ZNF804B: variants seen among roughly 807,000 people sequenced by gnomAD.
The protein encoded by ZNF804B is zinc finger 804B.
A neutral mutation model predicts 101.4 loss-of-function variants in ZNF804B; 80 were observed. The ratio of observed to expected loss-of-function variants is 0.79; its 90% CI spans 0.66 to 0.95. The LOEUF is 0.95. Ranked by LOEUF, ZNF804B falls within the 40% of genes least tolerant of loss-of-function variation. The pLI, the probability that ZNF804B is intolerant of heterozygous loss-of-function variation, is 0.00. For missense variants in ZNF804B, 1,673 were observed against 1,561.9 expected (o/e 1.07, Z -1.20); for synonymous variants, 622 against 558.8 (o/e 1.11, Z -1.59).
At chr7:88,955,617 A>T (rs1288043275) in intron 1 of ZNF804B, among the ~76,000 whole-genome samples, 1 of 151,706 alleles carries the variant, frequency 6.6e-6, no homozygotes, top group African/African-American at 2.4e-5. Flanking sequence ...ATATTAAACT[A>T]TTAACACTTA....
intron 1 of ZNF804B, among the ~76,000 whole-genome samples, chr7:88,855,520 G>A (rs199920860): frequency 6.6e-6 from 1 of 152,056 alleles, no homozygotes; most frequent in Non-Finnish European, 1.5e-5. Context: ...TGTCAGATGA[G>A]TAGATTGCAA....
At chr7:88,863,284 AC>A (rs1320105845) in intron 1 of ZNF804B, among the ~76,000 whole-genome samples, 1 of 151,988 alleles carries the variant, frequency 6.6e-6, no homozygotes, top group Non-Finnish European at 1.5e-5. Context: ...AGTCCAAATG[AC>A]CCTTCCTCTA....
chr7:89,257,927 G>A (rs1050094374), intron 2 of ZNF804B, among the ~76,000 whole-genome samples: 1 of 151,946 alleles, frequency 6.6e-6, no homozygotes, highest in Non-Finnish European at 1.5e-5. Flanking sequence ...GTTTTCAGGT[G>A]CATTATACAG....
intron 1 of ZNF804B, among the ~76,000 whole-genome samples, chr7:88,820,806 C>T (rs997043568): frequency 3.9e-5 from 6 of 152,058 alleles, no homozygotes; most frequent in South Asian, 2.1e-4. Flanking sequence ...CTGGCAGTGA[C>T]GGTGACAATG....
chr7:89,062,542 G>A (rs371748339), intron 1 of ZNF804B, among the ~76,000 whole-genome samples: 1 of 151,774 alleles, frequency 6.6e-6, no homozygotes. Context: ...TTGACTATTA[G>A]CTCTTTGAAG....
intron 1 of ZNF804B, among the ~76,000 whole-genome samples, chr7:89,007,446 T>TTATATATATATATATA (rs61374091): frequency 3.5e-5 from 2 of 57,198 alleles, no homozygotes; most frequent in South Asian, 7.0e-4. Flanking sequence ...ATCCATGATT[T>TTATATATATATATATA]TATATATATA....
At chr7:89,278,137 A>C (rs867781056) in intron 2 of ZNF804B, among the ~76,000 whole-genome samples, 10 of 152,330 alleles carry the variant, frequency 6.6e-5, no homozygotes, top group Middle Eastern at 3.4e-3. Flanking sequence ...TCTTGGCTGC[A>C]TAAATGTCTT....
intron 1 of ZNF804B, among the ~76,000 whole-genome samples, chr7:89,129,671 A>G (rs10230584): frequency 0.2 from 29,970 of 151,860 alleles, 3,747 homozygotes; most frequent in East Asian, 0.58. Flanking sequence ...GTAGAATACT[A>G]TTATTTACTA....
intron 1 of ZNF804B, among the ~76,000 whole-genome samples, chr7:89,035,511 GA>G (rs1363223072): frequency 6.6e-6 from 1 of 151,826 alleles, no homozygotes; most frequent in African/African-American, 2.4e-5. Context: ...ACACATGATG[GA>G]AAAAAATGAG....
intron 1 of ZNF804B, among the ~76,000 whole-genome samples, chr7:88,801,765 G>T (rs4728777): frequency 0.26 from 39,345 of 151,826 alleles, 5,714 homozygotes; most frequent in East Asian, 0.4. Flanking sequence ...TAGAAAAAAA[G>T]AACTTTGAAA....
chr7:88,965,731 A>G (rs1244787051), intron 1 of ZNF804B, among the ~76,000 whole-genome samples: 1 of 151,440 alleles, frequency 6.6e-6, no homozygotes, highest in Non-Finnish European at 1.5e-5. Context: ...TCTTTTTCTT[A>G]TTGCAGTGAA....
At chr7:88,869,088 A>G (rs1176674937) in intron 1 of ZNF804B, among the ~76,000 whole-genome samples, 1 of 152,222 alleles carries the variant, frequency 6.6e-6, no homozygotes, top group Non-Finnish European at 1.5e-5. Flanking sequence ...GTTTAAACCC[A>G]TCACACACTA....
At chr7:89,072,798 G>A (rs903104661) in intron 1 of ZNF804B, among the ~76,000 whole-genome samples, 1 of 152,024 alleles carries the variant, frequency 6.6e-6, no homozygotes, top group Non-Finnish European at 1.5e-5. Flanking sequence ...ATAAAAAAAT[G>A]CAATGAAGAA....
chr7:88,964,375 A>T (rs1793427727), intron 1 of ZNF804B, among the ~76,000 whole-genome samples: 1 of 151,492 alleles, frequency 6.6e-6, no homozygotes, highest in Non-Finnish European at 1.5e-5. Flanking sequence ...TCTATAATAC[A>T]ACATGGGTGA....
intron 1 of ZNF804B, among the ~76,000 whole-genome samples, chr7:89,025,652 G>T (rs1264181924): frequency 6.6e-6 from 1 of 152,050 alleles, no homozygotes; most frequent in Non-Finnish European, 1.5e-5. Flanking sequence ...AGTGCTAACA[G>T]TTCATAAATA....
At chr7:89,135,376 A>G (rs1790615735) in intron 1 of ZNF804B, among the ~76,000 whole-genome samples, 1 of 152,074 alleles carries the variant, frequency 6.6e-6, no homozygotes, top group South Asian at 2.1e-4. Context: ...TCTTCTCTGC[A>G]TGATCACCTA....
chr7:89,268,271 C>T (rs567076029), intron 2 of ZNF804B, among the ~76,000 whole-genome samples: 94 of 152,240 alleles, frequency 6.2e-4, no homozygotes, highest in Non-Finnish European at 1.1e-3. Context: ...TTAATAATCA[C>T]TTCCAGATTC....
At chr7:89,219,989 G>GTATACATGTATATACGCA (rs1257517964) in intron 2 of ZNF804B, among the ~76,000 whole-genome samples, 1 of 137,884 alleles carries the variant, frequency 7.3e-6, no homozygotes. Flanking sequence ...ACATATGTGT[G>GTATACATGTATATACGCA]CATATATGTA....
At chr7:89,265,794 C>G (rs914615310) in intron 2 of ZNF804B, among the ~76,000 whole-genome samples, 12 of 152,264 alleles carry the variant, frequency 7.9e-5, no homozygotes, top group African/African-American at 2.9e-4. Flanking sequence ...TGCAGTGTCA[C>G]CCACCATCTG....
Sources: gnomAD v4.1 joint callset for allele counts (sites outside exome capture counted in the v4.1 genomes callset) on GRCh38, gnomAD v4.1.1 for gene constraint, MANE v1.5 for transcripts, NCBI Gene and HGNC (gene_info 2026-07-23, HGNC 2026-07-21) for gene names.